KCNB2: variants seen among roughly 807,000 people sequenced by gnomAD.
KCNB2 encodes delayed rectifier potassium channel protein.
KCNB2 carries 15 observed loss-of-function variants against 61.5 expected under a neutral mutation model. That is an observed-to-expected ratio of 0.24 (90% CI 0.16 to 0.38). The LOEUF (loss-of-function observed/expected upper bound fraction) is 0.38, where lower values mean the gene tolerates loss of function less well. Among genes scored for constraint, KCNB2 ranks in the 10% least tolerant of loss-of-function variants. KCNB2 has a pLI of 1.00. For missense variants in KCNB2, 828 were observed against 1,125.2 expected (o/e 0.74, Z 3.78); for synonymous variants, 457 against 446.0 (o/e 1.02, Z -0.31).
At chr8:72,820,265 C>T (rs1170079790) in intron 2 of KCNB2, among the ~76,000 whole-genome samples, 1 of 152,180 alleles carries the variant, frequency 6.6e-6, no homozygotes, top group Non-Finnish European at 1.5e-5. Context: ...CCAACAAGTA[C>T]TGGATCACAT....
chr8:72,885,652 T>A (rs952346657), intron 2 of KCNB2, among the ~76,000 whole-genome samples: 1 of 152,184 alleles, frequency 6.6e-6, no homozygotes, highest in African/African-American at 2.4e-5. Flanking sequence ...TATCCACTTT[T>A]AATTTCTATA....
intron 2 of KCNB2, among the ~76,000 whole-genome samples, chr8:72,899,609 A>G (rs1326700391): frequency 6.6e-6 from 1 of 152,216 alleles, no homozygotes; most frequent in Middle Eastern, 3.2e-3. Flanking sequence ...TCAAATCAAG[A>G]ACACAATCCC....
intron 2 of KCNB2, among the ~76,000 whole-genome samples, chr8:72,905,627 C>T (rs555174792): frequency 9.2e-5 from 14 of 152,118 alleles, no homozygotes; most frequent in African/African-American, 2.7e-4. Flanking sequence ...TTCTGATAGT[C>T]GGGGAGCACG....
intron 2 of KCNB2, among the ~76,000 whole-genome samples, chr8:72,693,335 C>T (rs1224704102): frequency 1.3e-5 from 2 of 152,158 alleles, no homozygotes; most frequent in African/African-American, 2.4e-5. Context: ...CTTTGGTGCA[C>T]GGATGTCCTT....
At chr8:72,846,742 A>G (rs897294444) in intron 2 of KCNB2, among the ~76,000 whole-genome samples, 12 of 152,322 alleles carry the variant, frequency 7.9e-5, no homozygotes, top group Non-Finnish European at 1.8e-4. Flanking sequence ...GGTGATCATT[A>G]AAAAGTCAAG....
chr8:72,590,481 T>C (rs1193809943), intron 2 of KCNB2, among the ~76,000 whole-genome samples: 1 of 152,172 alleles, frequency 6.6e-6, no homozygotes. Context: ...GTAACCAGCA[T>C]ATCATATGAC....
At chr8:72,538,298 G>A (rs1806143871) in intron 1 of KCNB2, among the ~76,000 whole-genome samples, 1 of 152,104 alleles carries the variant, frequency 6.6e-6, no homozygotes, top group Non-Finnish European at 1.5e-5. Flanking sequence ...TCTTCAAGCG[G>A]TGCGCGGTCT....
intron 2 of KCNB2, among the ~76,000 whole-genome samples, chr8:72,630,319 A>G (rs897834098): frequency 6.6e-6 from 1 of 152,170 alleles, no homozygotes; most frequent in Non-Finnish European, 1.5e-5. Flanking sequence ...AATTCACATA[A>G]TTACTGATAC....
intron 2 of KCNB2, among the ~76,000 whole-genome samples, chr8:72,722,764 C>A: frequency 6.6e-6 from 1 of 150,938 alleles, no homozygotes; most frequent in East Asian, 1.9e-4. Flanking sequence ...TTAAAATAAG[C>A]ATGCCTAGAA....
At chr8:72,644,493 G>A (rs190651031) in intron 2 of KCNB2, among the ~76,000 whole-genome samples, 153 of 152,154 alleles carry the variant, frequency 1.0e-3, no homozygotes, top group African/African-American at 3.4e-3. Context: ...CCCAAGTATC[G>A]CCACCATTCC....
intron 1 of KCNB2, among the ~76,000 whole-genome samples, chr8:72,542,824 T>G (rs1352744556): frequency 6.6e-6 from 1 of 152,190 alleles, no homozygotes; most frequent in African/African-American, 2.4e-5. Flanking sequence ...GGGTTCTCAT[T>G]TGGTAGTTCA....
intron 2 of KCNB2, among the ~76,000 whole-genome samples, chr8:72,905,114 G>C (rs1806154824): frequency 6.6e-6 from 1 of 152,122 alleles, no homozygotes; most frequent in Non-Finnish European, 1.5e-5. Flanking sequence ...AAATGGTTAT[G>C]ACCTAAGGAC....
chr8:72,700,707 C>T (rs905935728), intron 2 of KCNB2, among the ~76,000 whole-genome samples: 1 of 152,130 alleles, frequency 6.6e-6, no homozygotes, highest in African/African-American at 2.4e-5. Context: ...AACAGAGCTA[C>T]CATTTGACCC....
At chr8:72,640,418 G>A (rs1199503169) in intron 2 of KCNB2, among the ~76,000 whole-genome samples, 1 of 151,896 alleles carries the variant, frequency 6.6e-6, no homozygotes, top group Non-Finnish European at 1.5e-5. Flanking sequence ...TCAGTGATCT[G>A]ATGTCAAGGC....
intron 2 of KCNB2, among the ~76,000 whole-genome samples, chr8:72,659,796 A>C (rs1386423272): frequency 6.6e-6 from 1 of 152,254 alleles, no homozygotes; most frequent in African/African-American, 2.4e-5. Flanking sequence ...TTTTCATAAT[A>C]AAGTATTTTA....
intron 2 of KCNB2, among the ~76,000 whole-genome samples, chr8:72,615,088 G>C (rs1805597394): frequency 6.6e-6 from 1 of 152,180 alleles, no homozygotes; most frequent in African/African-American, 2.4e-5. Context: ...GTTTGCAGTG[G>C]GTAGGGAAAA....
chr8:72,686,817 C>A (rs948835797), intron 2 of KCNB2, among the ~76,000 whole-genome samples: 1 of 152,100 alleles, frequency 6.6e-6, no homozygotes, highest in African/African-American at 2.4e-5. Context: ...GAGATTAAAC[C>A]CACGTCATTT....
At position 72,702,053 on chromosome 8, in the gene KCNB2, G is replaced by GA. The variant is rs986555486; in HGVS notation, c.579+133748dup. On this transcript the variant is annotated intron_variant, in intron 2 of 2. Transcript: ENST00000523207. Reference sequence around the variant, plus strand: ...ATCTACAATGATTATCTTAACTTAGGAAAAAAAATACTTAGCAGAACACAG... The same window carrying GA: ...ATCTACAATGATTATCTTAACTTAGGAAAAAAAAATACTTAGCAGAACACAG... Among the ~76,000 whole-genome samples the GA allele has an allele frequency of 1.6e-4, 25 of 151,822 alleles. No homozygotes were observed. The East Asian group carries it at 4.6e-3, about 28-fold the overall frequency.
intron 2 of KCNB2, among the ~76,000 whole-genome samples, chr8:72,603,329 C>T (rs1375890321): frequency 1.3e-5 from 2 of 152,216 alleles, no homozygotes; most frequent in East Asian, 3.8e-4. Context: ...TGCTACCTGT[C>T]ATGTTCCATT....
Sources: allele counts gnomAD v4.1 joint callset (sites outside exome capture counted in the v4.1 genomes callset), GRCh38; gene constraint gnomAD v4.1.1; transcripts MANE v1.5; gene names NCBI Gene and HGNC (gene_info 2026-07-23, HGNC 2026-07-21).